Variants in ETV6 observed in about 807,000 individuals in gnomAD.
ETV6 encodes transcription factor ETV6.
Under a neutral mutation model 51.1 loss-of-function variants are expected in ETV6, and 16 were observed. The ratio of observed to expected loss-of-function variants is 0.31; its 90% confidence interval spans 0.21 to 0.48. The LOEUF is 0.48. Among genes scored for constraint, ETV6 ranks in the 20% least tolerant of loss-of-function variants. The pLI is 0.99. For synonymous variants in ETV6, 240 were observed against 224.1 expected (o/e 1.07, Z -0.64); for missense variants, 458 against 594.8 (o/e 0.77, Z 2.39).
intron 2 of ETV6, among the ~76,000 whole-genome samples, chr12:11,818,489 C>A (rs1317235462): frequency 6.7e-6 from 1 of 149,104 alleles, no homozygotes; most frequent in Non-Finnish European, 1.5e-5. Flanking sequence ...GATTGTGCCA[C>A]TGCACCCCAG....
At chr12:11,827,915 T>C (rs1295821616) in intron 2 of ETV6, among the ~76,000 whole-genome samples, 5 of 152,246 alleles carry the variant, frequency 3.3e-5, no homozygotes, top group African/African-American at 4.8e-5. Flanking sequence ...CTGTGAATCA[T>C]GCAAATCCTG....
At chr12:11,768,127 CTTTT>C (rs111944987) in intron 2 of ETV6, among the ~76,000 whole-genome samples, 4 of 146,138 alleles carry the variant, frequency 2.7e-5, no homozygotes, top group Admixed American at 2.7e-4. Context: ...TAATTTGATT[CTTTT>C]TTTTTTTAAT....
intron 3 of ETV6, among the ~76,000 whole-genome samples, chr12:11,849,189 C>T (rs146375339): frequency 0.014 from 2,102 of 152,288 alleles, 51 homozygotes; most frequent in African/African-American, 0.048. Context: ...CAGCTCACTG[C>T]AGCCTCGACC....
chr12:11,749,475 T>A (rs181172817), intron 1 of ETV6, among the ~76,000 whole-genome samples: 1 of 152,254 alleles, frequency 6.6e-6, no homozygotes, highest in East Asian at 1.9e-4. Flanking sequence ...AGAGAAGCAG[T>A]TGTGAGAGTA....
intron 5 of ETV6, 125 bp from the exon 6 acceptor site, chr12:11,884,316 GAAGT>G: frequency 2.0e-6 from 2 of 1,024,016 alleles, no homozygotes; most frequent in Non-Finnish European, 2.9e-6. Context: ...GTAAAACAAG[GAAGT>G]TAGTTAGACA....
chr12:11,685,310 A>C lies in ETV6; in HGVS notation c.33+35150A>C, dbSNP rs946357595. ...GTTGATCAGTTATGCTTCATTGTCC[A>C]TGAACATTTCAGAAAAAAAAAAAAA... On this transcript the variant is annotated intron_variant, in intron 1 of 7. Transcript: ENST00000396373. Among the ~76,000 whole-genome samples the C allele has an allele frequency of 4.0e-5, 6 of 150,498 alleles. No individual in the cohort carries two copies. In the East Asian group the frequency reaches 1.2e-3, roughly 29 times the overall value.
chr12:11,863,650 T>C (rs1353367068), intron 4 of ETV6, among the ~76,000 whole-genome samples: 3 of 152,186 alleles, frequency 2.0e-5, no homozygotes, highest in East Asian at 1.9e-4. Context: ...AAAAATCTTC[T>C]TGTTTTAGAC....
rs5796465 is a variant in ETV6, at chr12:11,777,239, C to CAAAAAA, written c.163+24678_163+24683dup. Among the ~76,000 whole-genome samples, 4 of 78,884 alleles carry CAAAAAA rather than the reference C, an allele frequency of 5.1e-5. 1 individual carries two copies. The highest frequency in any genetic ancestry group is 5.4e-5 in the African/African-American group (1 of 18,638). The allele number at this position is 78,884 out of a possible 152,430, so 51.8% of individuals were successfully genotyped here. On this transcript the variant is annotated intron_variant, in intron 2 of 7. Coordinates refer to ENST00000396373, the MANE Select transcript of ETV6 (RefSeq NM_001987.5). Reference sequence around the variant, plus strand: ...TGGGTGACAGAGTGAGACTCCGTGTCAAAAAAAAAAAAAAAAAAAAAAATC... The same window carrying CAAAAAA: ...TGGGTGACAGAGTGAGACTCCGTGTCAAAAAAAAAAAAAAAAAAAAAAAAAAAAATC...
chr12:11,842,318 C>G (rs1035035592), intron 3 of ETV6, among the ~76,000 whole-genome samples: 2 of 152,062 alleles, frequency 1.3e-5, no homozygotes, highest in African/African-American at 2.4e-5. Flanking sequence ...TTTCCTTTCT[C>G]CCATCTTGTT....
chr12:11,830,748 A>G (rs559388028), intron 2 of ETV6, among the ~76,000 whole-genome samples: 1 of 152,238 alleles, frequency 6.6e-6, no homozygotes, highest in Non-Finnish European at 1.5e-5. Context: ...CCCTTCAGCT[A>G]CATGCATGGA....
At chr12:11,780,483 G>T (rs751961627) in intron 2 of ETV6, among the ~76,000 whole-genome samples, 1 of 152,140 alleles carries the variant, frequency 6.6e-6, no homozygotes, top group Non-Finnish European at 1.5e-5. Context: ...TTTATTGGAG[G>T]TATATTGGGC....
chr12:11,722,758 G>A (rs1865413393), intron 1 of ETV6, among the ~76,000 whole-genome samples: 1 of 152,184 alleles, frequency 6.6e-6, no homozygotes, highest in Admixed American at 6.5e-5. Context: ...TGCCAGGTGA[G>A]GCCAGATCCG....
intron 2 of ETV6, among the ~76,000 whole-genome samples, chr12:11,764,727 G>A (rs1028001778): frequency 2.6e-5 from 4 of 152,214 alleles, no homozygotes; most frequent in African/African-American, 9.7e-5. Flanking sequence ...GTGTGACAGG[G>A]AGGAGGTGTG....
At chr12:11,721,265 A>G (rs1031664163) in intron 1 of ETV6, among the ~76,000 whole-genome samples, 5 of 152,266 alleles carry the variant, frequency 3.3e-5, no homozygotes, top group African/African-American at 1.2e-4. Context: ...ATACACTTGT[A>G]TGTTTACTGC....
intron 2 of ETV6, among the ~76,000 whole-genome samples, chr12:11,775,722 G>A (rs566843705): frequency 2.6e-5 from 4 of 152,158 alleles, no homozygotes; most frequent in South Asian, 2.1e-4. Context: ...TTTTCCTGTC[G>A]GGTGAGCTGC....
At chr12:11,763,254 G>A (rs1049753854) in intron 2 of ETV6, among the ~76,000 whole-genome samples, 9 of 152,176 alleles carry the variant, frequency 5.9e-5, no homozygotes, top group Middle Eastern at 3.2e-3. Context: ...CTGAACAGAC[G>A]CAGTTCTCGT....
intron 1 of ETV6, among the ~76,000 whole-genome samples, chr12:11,671,156 G>A (rs983332534): frequency 3.3e-5 from 5 of 152,162 alleles, no homozygotes; most frequent in Admixed American, 6.5e-5. Flanking sequence ...AGGAAATTAG[G>A]GTTCTAGCTT....
At chr12:11,779,800 G>C (rs1945384706) in intron 2 of ETV6, among the ~76,000 whole-genome samples, 1 of 152,234 alleles carries the variant, frequency 6.6e-6, no homozygotes, top group South Asian at 2.1e-4. Context: ...GGTGCTCACT[G>C]TGACTGTTCA....
chr12:11,704,589 C>T (rs768519912), intron 1 of ETV6, among the ~76,000 whole-genome samples: 4 of 152,096 alleles, frequency 2.6e-5, no homozygotes, highest in Admixed American at 6.5e-5. Flanking sequence ...TCAAGTGTTC[C>T]GCCCACCTTG....
Sources: allele counts gnomAD v4.1 joint callset (sites outside exome capture counted in the v4.1 genomes callset), GRCh38; gene constraint gnomAD v4.1.1; transcripts MANE v1.5; gene names NCBI Gene and HGNC (gene_info 2026-07-23, HGNC 2026-07-21).